The following ANO3 variants were observed in gnomAD, a reference collection of about 807,000 sequenced individuals.
The protein encoded by ANO3 is anoctamin 3.
Under a neutral mutation model 144.8 loss-of-function variants are expected in ANO3, and 99 were observed. That is an observed-to-expected ratio of 0.68 (90% CI 0.58 to 0.81). ANO3 has a LOEUF of 0.81. ANO3 is among the 30% of genes least tolerant of loss of function. The pLI is 0.00. For synonymous variants in ANO3, 414 were observed against 392.6 expected (o/e 1.05, Z -0.64); for missense variants, 905 against 1,202.2 (o/e 0.75, Z 3.66).
intron 1 of ANO3, among the ~76,000 whole-genome samples, chr11:26,244,606 A>T (rs1242616558): frequency 6.6e-6 from 1 of 152,186 alleles, no homozygotes; most frequent in South Asian, 2.1e-4. Context: ...TACAGATATC[A>T]AAAATAGGTG....
At chr11:26,379,038 C>CAG (rs3061032) in intron 1 of ANO3, among the ~76,000 whole-genome samples, 58,480 of 148,202 alleles carry the variant, frequency 0.39, 11,799 homozygotes, top group African/African-American at 0.5. Context: ...CATTATGAAA[C>CAG]AGTGAGTAGG....
intron 1 of ANO3, among the ~76,000 whole-genome samples, chr11:26,435,523 A>G (rs1858263410): frequency 6.6e-6 from 1 of 152,210 alleles, no homozygotes; most frequent in African/African-American, 2.4e-5. Context: ...CATCCCTTTT[A>G]GGGATTCCAG....
chr11:26,403,050 T>C (rs1172910988), intron 1 of ANO3, among the ~76,000 whole-genome samples: 8 of 151,944 alleles, frequency 5.3e-5, no homozygotes, highest in Admixed American at 3.9e-4. Flanking sequence ...CACTTAAATG[T>C]GTTTTGTTTC....
At chr11:26,307,582 G>C (rs568844700), upstream of ANO3, among the ~76,000 whole-genome samples, 5 of 151,866 alleles carry the variant, frequency 3.3e-5, no homozygotes, top group African/African-American at 1.2e-4. Context: ...AGCCAGACAT[G>C]GTGGCACATG....
At chr11:26,511,265 C>T (rs1437262898) in intron 5 of ANO3, among the ~76,000 whole-genome samples, 2 of 152,148 alleles carry the variant, frequency 1.3e-5, no homozygotes, top group African/African-American at 2.4e-5. Flanking sequence ...CCCCAGTTTT[C>T]CAGAACAGAT....
chr11:26,557,330 G>A (rs1300229707), intron 13 of ANO3, among the ~76,000 whole-genome samples: 3 of 151,508 alleles, frequency 2.0e-5, no homozygotes, highest in East Asian at 2.0e-4. Context: ...GCGTGGTGGC[G>A]GGCGCCTGTA....
chr11:26,445,726 A>G (rs1281095054), intron 3 of ANO3, among the ~76,000 whole-genome samples: 2 of 152,224 alleles, frequency 1.3e-5, no homozygotes, highest in Non-Finnish European at 2.9e-5. Context: ...ACTGTGTAGT[A>G]TCACTAAGCA....
intron 9 of ANO3, among the ~76,000 whole-genome samples, chr11:26,534,886 T>C (rs1326518425): frequency 6.6e-6 from 1 of 152,210 alleles, no homozygotes; most frequent in East Asian, 1.9e-4. Flanking sequence ...CATGGGCTTG[T>C]TTGTAATAGA....
intron 24 of ANO3, among the ~76,000 whole-genome samples, chr11:26,653,239 C>T (rs1050266743): frequency 6.6e-6 from 1 of 152,094 alleles, no homozygotes; most frequent in Non-Finnish European, 1.5e-5. Context: ...ATTTAAAGTC[C>T]GAATTTCATC....
At chr11:26,611,863 T>G (rs1460379343) in intron 17 of ANO3, among the ~76,000 whole-genome samples, 2 of 152,080 alleles carry the variant, frequency 1.3e-5, no homozygotes, top group Non-Finnish European at 2.9e-5. Context: ...TATATAATTT[T>G]TTTTTGTCTT....
At chr11:26,654,090 T>C in intron 24 of ANO3, among the ~76,000 whole-genome samples, 1 of 152,214 alleles carries the variant, frequency 6.6e-6, no homozygotes, top group East Asian at 1.9e-4. Flanking sequence ...GTCAATATTA[T>C]GTGCTGTAAT....
Position 26,424,254 on chromosome 11 carries a change from C to T in ANO3, c.47-17664C>T, listed in dbSNP as rs956399929. The stretch of plus-strand genomic sequence containing the variant: ...TATCTTTGACTAAAATCTCCCCCCC[C>T]ACACACACACACATACACATAAACA... On this transcript the variant is annotated intron_variant, in intron 1 of 26. Transcript: ENST00000256737. Among the ~76,000 whole-genome samples, 2 of 138,732 alleles carry T rather than the reference C, an allele frequency of 1.4e-5. 1 individual carries two copies. The highest frequency in any genetic ancestry group is 5.5e-5 in the African/African-American group (2 of 36,356). 91.0% of individuals were successfully genotyped at this position (138,732 alleles called of 152,430 possible).
At chr11:26,348,021 A>T (rs1432217702) in intron 1 of ANO3, among the ~76,000 whole-genome samples, 1 of 152,124 alleles carries the variant, frequency 6.6e-6, no homozygotes, top group East Asian at 1.9e-4. Flanking sequence ...CCAGCTCGAA[A>T]ATATCCACCT....
intron 3 of ANO3, among the ~76,000 whole-genome samples, chr11:26,449,930 A>T (rs1232646015): frequency 1.3e-5 from 2 of 151,716 alleles, no homozygotes; most frequent in Non-Finnish European, 2.9e-5. Context: ...AATTTTTGGT[A>T]TTTTTAGTAG....
At chr11:26,533,300 A>G (rs1162255094) in intron 8 of ANO3, among the ~76,000 whole-genome samples, 1 of 152,210 alleles carries the variant, frequency 6.6e-6, no homozygotes, top group East Asian at 1.9e-4. Context: ...AGAAGAAGAA[A>G]CAGAGCAAAA....
At chr11:26,386,461 C>T (rs1856735604) in intron 1 of ANO3, among the ~76,000 whole-genome samples, 1 of 152,098 alleles carries the variant, frequency 6.6e-6, no homozygotes, top group Non-Finnish European at 1.5e-5. Context: ...TTCATATTAT[C>T]TCTCGACAAA....
Position 26,598,963 on chromosome 11 carries a change from C to A in ANO3, c.1636C>A (p.Arg546Ser). 6.2e-7 allele frequency: 1 copy of A among 1,613,924 alleles called. No homozygotes were observed. The highest frequency in any genetic ancestry group is 8.5e-7 in the Non-Finnish European group (1 of 1,179,914). Residue 546 changes from arginine to serine, a missense_variant, in exon 16 of 27, where the codon CGT becomes AGT. Physicochemically the swap from Arg to Ser is moderately radical, Grantham distance 110. This residue lies in a region of ANO3 where 597 missense variants were observed against 865.1 expected (regional missense o/e 0.69). Coordinates refer to ENST00000256737, the MANE Select transcript of ANO3 (RefSeq NM_031418.4). ...TCAGCCTTCCTCAGACAAAGTCACT[C>A]GTCTTCTTGTTTCTGTCTCAGGAAT... is the stretch of plus-strand genomic sequence containing the variant. ...PHQPSSDKVT[R>S]LLVSVSGIFF...
intron 4 of ANO3, among the ~76,000 whole-genome samples, chr11:26,490,218 C>T (rs1032399274): frequency 9.2e-5 from 14 of 152,070 alleles, no homozygotes; most frequent in African/African-American, 3.1e-4. Context: ...CAGGGGTTTC[C>T]ACTTTTGCTT....
intron 1 of ANO3, among the ~76,000 whole-genome samples, chr11:26,271,523 G>T (rs1220557517): frequency 6.6e-6 from 1 of 152,084 alleles, no homozygotes; most frequent in African/African-American, 2.4e-5. Flanking sequence ...ATTTAACTGT[G>T]ATGCTTTAGT....
Sources: gnomAD v4.1 joint callset for allele counts (sites outside exome capture counted in the v4.1 genomes callset) on GRCh38, gnomAD v4.1.1 for gene constraint, gnomAD v4.1.1 regional missense constraint, MANE v1.5 for transcripts, NCBI Gene and HGNC (gene_info 2026-07-23, HGNC 2026-07-21) for gene names.